HECW2: variants seen among roughly 807,000 people sequenced by gnomAD.
The protein encoded by HECW2 is E3 ubiquitin-protein ligase HECW2.
Under a neutral mutation model 175.2 loss-of-function variants are expected in HECW2, and 61 were observed. The observed-to-expected ratio is 0.35, with a 90% confidence interval of 0.28 to 0.43. HECW2 has a LOEUF of 0.43. Ranked by LOEUF, HECW2 falls within the 20% of genes least tolerant of loss-of-function variation. The pLI, the probability that HECW2 is intolerant of heterozygous loss-of-function variation, is 1.00. For synonymous variants in HECW2, 671 were observed against 731.0 expected (o/e 0.92, Z 1.32); for missense variants, 1,524 against 2,000.5 (o/e 0.76, Z 4.54).
chr2:196,582,100 TC>T (rs1690808170), intron 1 of HECW2, among the ~76,000 whole-genome samples: 2 of 142,860 alleles, frequency 1.4e-5, no homozygotes, highest in Admixed American at 1.3e-4. Flanking sequence ...TAATAAATTA[TC>T]CTTACCCTGA....
chr2:196,335,978 C>G (rs567222041), intron 3 of HECW2, among the ~76,000 whole-genome samples: 1 of 152,006 alleles, frequency 6.6e-6, no homozygotes, highest in East Asian at 1.9e-4. Flanking sequence ...AGCACCAGGT[C>G]GAACAGCATA....
At chr2:196,406,367 T>C (rs897535614) in intron 2 of HECW2, among the ~76,000 whole-genome samples, 14 of 152,180 alleles carry the variant, frequency 9.2e-5, no homozygotes, top group African/African-American at 3.4e-4. Context: ...ATCTAAGCCA[T>C]GAGGAGTTTC....
intron 1 of HECW2, among the ~76,000 whole-genome samples, chr2:196,446,893 A>G (rs1239407793): frequency 6.6e-6 from 1 of 152,230 alleles, no homozygotes; most frequent in Non-Finnish European, 1.5e-5. Context: ...AGTATGAGGT[A>G]CTGTTCTTGC....
chr2:196,408,868 T>G (rs2125223142), intron 2 of HECW2, among the ~76,000 whole-genome samples: 1 of 152,328 alleles, frequency 6.6e-6, no homozygotes, highest in South Asian at 2.1e-4. Context: ...CTTAATTCCA[T>G]TAATTTATCT....
chr2:196,273,072 T>G lies in HECW2; in HGVS notation c.3238+949A>C, dbSNP rs971882756. 2.3e-4 allele frequency among the ~76,000 whole-genome samples: 11 copies of G among 48,156 alleles called. 1 individual carries two copies. The highest frequency in any genetic ancestry group is 3.9e-4 in the Non-Finnish European group (7 of 17,774). 31.6% of individuals were successfully genotyped at this position (48,156 alleles called of 152,430 possible). A position where few individuals can be genotyped will look rare whatever the true frequency, so the allele number is the denominator to read the frequency against. On this transcript the variant is annotated intron_variant, in intron 16 of 28. Coordinates refer to ENST00000644978, the MANE Select transcript of HECW2 (RefSeq NM_001348768.2). ...TAATTTTTTTTTTTTTTTTTTTTTT[T>G]TTTTTTTTTTTTTTGAGATTGGGTC...
At chr2:196,535,507 G>A (rs1457226972) in intron 1 of HECW2, among the ~76,000 whole-genome samples, 1 of 152,160 alleles carries the variant, frequency 6.6e-6, no homozygotes, top group Admixed American at 6.5e-5. Context: ...AAATTATAAG[G>A]CAATTTAATT....
chr2:196,439,249 T>G (rs535520727), intron 1 of HECW2, among the ~76,000 whole-genome samples: 9 of 152,326 alleles, frequency 5.9e-5, no homozygotes, highest in African/African-American at 2.2e-4. Flanking sequence ...CATTATTTAG[T>G]CTAGGGTAAC....
chr2:196,275,729 C>T (rs545985853), intron 15 of HECW2, among the ~76,000 whole-genome samples: 3 of 148,492 alleles, frequency 2.0e-5, no homozygotes, highest in Admixed American at 6.8e-5. Context: ...TCCTGCCTGG[C>T]GACAAAGCAA....
At chr2:196,538,312 C>T (rs766329929) in intron 1 of HECW2, among the ~76,000 whole-genome samples, 4 of 152,148 alleles carry the variant, frequency 2.6e-5, no homozygotes, top group Non-Finnish European at 5.9e-5. Context: ...AAATTAAGAA[C>T]GCCAGGCCCT....
intron 1 of HECW2, among the ~76,000 whole-genome samples, chr2:196,535,928 C>CT (rs1375427534): frequency 6.6e-6 from 1 of 152,028 alleles, no homozygotes; most frequent in African/African-American, 2.4e-5. Context: ...AAAAAAAAAT[C>CT]TACCTCCAGG....
At chr2:196,232,020 C>A (rs527909510) in intron 21 of HECW2, among the ~76,000 whole-genome samples, 1 of 151,956 alleles carries the variant, frequency 6.6e-6, no homozygotes, top group Non-Finnish European at 1.5e-5. Context: ...CTTACAATAT[C>A]CTAGGGTGTA....
In HECW2 at chr2:196,506,184, T is replaced by TAC. The variant is rs569126804; in HGVS notation, c.-35-72728_-35-72727dup. The stretch of plus-strand genomic sequence containing the variant: ...AGACCCAAACGAGGTGAAAGTACTG[T>TAC]ACAGATCAATAACTATGGGAGAAAC... On this transcript the variant is annotated intron_variant, in intron 1 of 28. Transcript: ENST00000644978. Among the ~76,000 whole-genome samples the TAC allele has an allele frequency of 4.1e-4, 63 of 152,268 alleles. 2 individuals are homozygous for TAC. The highest frequency in any genetic ancestry group is 3.7e-3 in the Admixed American group (57 of 15,290).
At chr2:196,246,104 T>C (rs1216205873) in intron 19 of HECW2, among the ~76,000 whole-genome samples, 1 of 152,162 alleles carries the variant, frequency 6.6e-6, no homozygotes, top group East Asian at 1.9e-4. Flanking sequence ...GGGCAAATGT[T>C]TCCTGTGTAC....
At chr2:196,270,399 T>C (rs1424509207) in intron 17 of HECW2, among the ~76,000 whole-genome samples, 1 of 152,208 alleles carries the variant, frequency 6.6e-6, no homozygotes, top group Non-Finnish European at 1.5e-5. Context: ...AATGATGTTT[T>C]GAAAAGTTGT....
intron 1 of HECW2, among the ~76,000 whole-genome samples, chr2:196,528,352 T>C (rs1688738637): frequency 6.6e-6 from 1 of 152,218 alleles, no homozygotes; most frequent in Admixed American, 6.5e-5. Flanking sequence ...GTCAACTGTA[T>C]TATTTTTAAT....
At chr2:196,517,948 G>A (rs1230895819) in intron 1 of HECW2, among the ~76,000 whole-genome samples, 1 of 152,060 alleles carries the variant, frequency 6.6e-6, no homozygotes, top group Non-Finnish European at 1.5e-5. Context: ...AAACCTCATG[G>A]GATAATCCCT....
At chr2:196,469,547 T>A (rs1050339389) in intron 1 of HECW2, among the ~76,000 whole-genome samples, 1 of 151,876 alleles carries the variant, frequency 6.6e-6, no homozygotes, top group Admixed American at 6.6e-5. Flanking sequence ...AAATAAAAAA[T>A]GTAATAAAAA....
At chr2:196,399,354 A>G (rs888325826) in intron 2 of HECW2, among the ~76,000 whole-genome samples, 1 of 152,258 alleles carries the variant, frequency 6.6e-6, no homozygotes, top group African/African-American at 2.4e-5. Flanking sequence ...CAAGACTTCA[A>G]GTCATTTCCC....
At position 196,379,078 on chromosome 2, in the gene HECW2, G is replaced by GT. The variant is rs1694129264; in HGVS notation, c.293-35315_293-35314insA. On this transcript the variant is annotated intron_variant, in intron 2 of 28. Coordinates refer to ENST00000644978, the MANE Select transcript of HECW2 (RefSeq NM_001348768.2). ...ACAAGTTAAAAGACAATACCAGTGA[G>GT]CAAAAAAAAAAACAAATCCTGAATG... Among the ~76,000 whole-genome samples the GT allele has an allele frequency of 2.9e-4, 38 of 129,308 alleles. No individual in the cohort carries two copies. The South Asian group carries it at 8.4e-3, about 28-fold the overall frequency. The allele number at this position is 129,308 out of a possible 152,430, so 84.8% of individuals were successfully genotyped here. A position where few individuals can be genotyped will look rare whatever the true frequency, so the allele number is the denominator to read the frequency against.
Sources: gnomAD v4.1 joint callset for allele counts (sites outside exome capture counted in the v4.1 genomes callset) on GRCh38, gnomAD v4.1.1 for gene constraint, MANE v1.5 for transcripts, NCBI Gene and HGNC (gene_info 2026-07-23, HGNC 2026-07-21) for gene names.